Variants in CCDC102B observed in about 807,000 individuals in gnomAD.
CCDC102B encodes coiled-coil domain-containing protein 102B.
CCDC102B carries 75 observed loss-of-function variants against 57.4 expected under a neutral mutation model. That is an observed-to-expected ratio of 1.31 (90% CI 1.08 to 1.58). The LOEUF (loss-of-function observed/expected upper bound fraction) is 1.58. Among genes scored for constraint, CCDC102B ranks in the 40% most tolerant of loss-of-function variants. The pLI is 0.00. For missense variants in CCDC102B, 636 were observed against 582.6 expected, an observed-to-expected ratio of 1.09 and a Z score of -0.94; for synonymous variants, 206 against 201.9, an observed-to-expected ratio of 1.02 and a Z score of -0.17.
downstream of CCDC102B, among the ~76,000 whole-genome samples, chr18:69,056,636 A>AATAGATAGATGG (rs199709516): frequency 2.3e-4 from 28 of 122,034 alleles, no homozygotes; most frequent in Admixed American, 3.3e-4. Context: ...ATAGATAGAT[A>AATAGATAGATGG]ATAGATAGAT....
chr18:68,980,395 GAA>G (rs200646247), intron 6 of CCDC102B, among the ~76,000 whole-genome samples: 13 of 132,468 alleles, frequency 9.8e-5, no homozygotes, highest in Admixed American at 3.8e-4. Context: ...AGGTCTTGGT[GAA>G]AAAAAAAAAA....
chr18:68,758,703 C>CTT (rs201701357), intron 2 of CCDC102B, among the ~76,000 whole-genome samples: 32 of 142,950 alleles, frequency 2.2e-4, no homozygotes, highest in East Asian at 8.1e-4. Context: ...CTAGTCATTC[C>CTT]TTTTTTTTTT....
chr18:68,888,942 T>C (rs1020775762), intron 5 of CCDC102B, among the ~76,000 whole-genome samples: 3 of 152,110 alleles, frequency 2.0e-5, no homozygotes, highest in African/African-American at 7.2e-5. Flanking sequence ...TTTATGTAAA[T>C]TTATTATAAT....
chr18:68,971,518 T>C (rs2050299825), intron 6 of CCDC102B, among the ~76,000 whole-genome samples: 1 of 152,144 alleles, frequency 6.6e-6, no homozygotes, highest in South Asian at 2.1e-4. Context: ...CCCTTTTCTC[T>C]GGAAATTATG....
intron 2 of CCDC102B, among the ~76,000 whole-genome samples, chr18:68,741,903 C>G (rs2033409331): frequency 6.6e-6 from 1 of 152,006 alleles, no homozygotes; most frequent in Non-Finnish European, 1.5e-5. Flanking sequence ...CCCACTGACA[C>G]CAAAGGAGGG....
rs544691911 is a variant in CCDC102B at position 68,803,956 on chromosome 18, A to G, written c.-16+5775A>G. ...GTTGGGATCCTAGAAATATTGTAAC[A>G]TAAGTTGAGTGTTCAAAGCATCCAC... On this transcript the variant is annotated intron_variant, in intron 1 of 7. Transcript: ENST00000360242. Among the ~76,000 whole-genome samples the G allele has an allele frequency of 4.6e-5, 7 of 152,280 alleles. No individual in the cohort carries two copies. In the East Asian group the frequency reaches 1.4e-3, roughly 29 times the overall value.
chr18:68,762,665 G>C (rs2144591395), intron 2 of CCDC102B, among the ~76,000 whole-genome samples: 1 of 152,212 alleles, frequency 6.6e-6, no homozygotes, highest in Non-Finnish European at 1.5e-5. Context: ...CATCGTGTGT[G>C]GAGGTTGTGA....
chr18:68,823,242 A>G (rs1014020988), intron 1 of CCDC102B: 14 of 152,264 alleles, frequency 9.2e-5, no homozygotes, highest in Non-Finnish European at 5.9e-5. Context: ...TTCAAAGAGC[A>G]TTGCAATCGG....
At chr18:68,894,992 C>A (rs1377359499) in intron 5 of CCDC102B, among the ~76,000 whole-genome samples, 1 of 151,802 alleles carries the variant, frequency 6.6e-6, no homozygotes, top group East Asian at 1.9e-4. Context: ...GCATATTTGT[C>A]CTTGCCCAAA....
intron 6 of CCDC102B, among the ~76,000 whole-genome samples, chr18:68,990,598 T>C (rs557296677): frequency 6.6e-6 from 1 of 152,330 alleles, no homozygotes; most frequent in South Asian, 2.1e-4. Flanking sequence ...ATACATACAA[T>C]TGTGCATTGT....
At chr18:69,018,346 C>T (rs928329179) in intron 7 of CCDC102B, among the ~76,000 whole-genome samples, 1 of 152,094 alleles carries the variant, frequency 6.6e-6, no homozygotes, top group Non-Finnish European at 1.5e-5. Context: ...TTTGGGGAAC[C>T]CTCATACTGT....
At chr18:68,744,867 C>T (rs754080961) in intron 2 of CCDC102B, among the ~76,000 whole-genome samples, 3 of 152,192 alleles carry the variant, frequency 2.0e-5, no homozygotes, top group Admixed American at 1.3e-4. Context: ...AGAATGCTCT[C>T]CGAAGTCTAT....
intron 1 of CCDC102B, chr18:68,715,379 A>C (rs769525758): frequency 8.3e-5 from 37 of 446,946 alleles, no homozygotes; most frequent in Non-Finnish European, 1.1e-4. Context: ...CTGACGACGC[A>C]CTTGCAGGTT....
At chr18:69,052,350 T>A (rs1482284006) in intron 7 of CCDC102B, among the ~76,000 whole-genome samples, 1 of 152,044 alleles carries the variant, frequency 6.6e-6, no homozygotes, top group Non-Finnish European at 1.5e-5. Context: ...TTGAGTTAAA[T>A]TGGTAAACAA....
At chr18:68,889,568 C>G (rs1270961183) in intron 5 of CCDC102B, among the ~76,000 whole-genome samples, 1 of 152,026 alleles carries the variant, frequency 6.6e-6, no homozygotes, top group Non-Finnish European at 1.5e-5. Flanking sequence ...TATAGGCATG[C>G]ACCACCACAC....
chr18:68,748,205 GGT>G (rs5825872), intron 2 of CCDC102B, among the ~76,000 whole-genome samples: 2,953 of 137,500 alleles, frequency 0.021, 79 homozygotes, highest in East Asian at 0.072. Flanking sequence ...TTATTAAACT[GGT>G]GTGTGTGTGT....
At position 68,871,139 on chromosome 18, in the gene CCDC102B, A is replaced by T. The variant is rs77137813; in HGVS notation, c.937-3530A>T. Among the ~76,000 whole-genome samples, 1,203 of 152,248 alleles carry T rather than the reference A, an allele frequency of 7.9e-3. 16 individuals are homozygous for T. The highest frequency in any genetic ancestry group is 0.028 in the African/African-American group (1,153 of 41,538). On this transcript the variant is annotated intron_variant, in intron 4 of 7. Coordinates refer to ENST00000360242, the MANE Select transcript of CCDC102B (RefSeq NM_024781.3). ...CATAAACACGCAGTACAAACAGAGG[A>T]TTTTTAAACAGTGATTTTGGAGTTA... is the stretch of plus-strand genomic sequence containing the variant.
At position 68,964,661 on chromosome 18, in the gene CCDC102B, G is replaced by A. The variant is rs147366341; in HGVS notation, c.1264-46273G>A. 5.8e-3 allele frequency among the ~76,000 whole-genome samples: 885 copies of A among 151,828 alleles called. 5 individuals are homozygous for A. The highest frequency in any genetic ancestry group is 0.01 in the Middle Eastern group (3 of 294). ...CTTTATATTTAAAGTGAAGTAAGTC[G>A]ATGATATTTATCCATATTTTACCCT... On this transcript the variant is annotated intron_variant, in intron 6 of 7. Transcript: ENST00000360242.
intron 6 of CCDC102B, among the ~76,000 whole-genome samples, chr18:68,914,740 T>A: frequency 6.6e-6 from 1 of 152,346 alleles, no homozygotes; most frequent in Non-Finnish European, 1.5e-5. Context: ...TGTGTATAGC[T>A]CACACTTATT....
Sources: gnomAD v4.1 joint callset for allele counts (sites outside exome capture counted in the v4.1 genomes callset) on GRCh38, gnomAD v4.1.1 for gene constraint, MANE v1.5 for transcripts, NCBI Gene and HGNC (gene_info 2026-07-23, HGNC 2026-07-21) for gene names.